The following PIH1D1 variants were observed in gnomAD, a reference collection of about 807,000 sequenced individuals.
PIH1D1 encodes PIH1 domain-containing protein 1.
Under a neutral mutation model 38.5 loss-of-function variants are expected in PIH1D1, and 28 were observed. The ratio of observed to expected loss-of-function variants is 0.73; its 90% confidence interval spans 0.54 to 1.00. The LOEUF (loss-of-function observed/expected upper bound fraction) is 1.00. PIH1D1 is among the 50% of genes least tolerant of loss of function. The pLI is 0.00. For missense variants in PIH1D1, 343 were observed against 369.9 expected, an observed-to-expected ratio of 0.93 and a Z score of 0.60; for synonymous variants, 155 against 153.5, an observed-to-expected ratio of 1.01 and a Z score of -0.07.
At chr19:49,450,018 C>T (rs1280737057) in intron 2 of PIH1D1, among the ~76,000 whole-genome samples, 1 of 152,068 alleles carries the variant, frequency 6.6e-6, no homozygotes, top group African/African-American at 2.4e-5. Context: ...TGATCTCAAA[C>T]TCCTGCCCTC....
intron 3 of PIH1D1, chr19:49,448,399 G>T (rs2079037921): frequency 5.5e-6 from 2 of 362,098 alleles, no homozygotes; most frequent in Non-Finnish European, 1.0e-5. Context: ...TCCCACCTCT[G>T]GAGAAGACCT....
intron 7 of PIH1D1, 144 bp from the exon 8 acceptor site, chr19:49,446,838 AACGACCGAGC>A: frequency 8.0e-6 from 9 of 1,131,980 alleles, no homozygotes; most frequent in Non-Finnish European, 1.2e-5. Flanking sequence ...TACAAGTCTC[AACGACCGAGC>A]ACTTACAATC....
intron 8 of PIH1D1, 38 bp downstream of exon 8, chr19:49,446,513 C>T: frequency 6.2e-7 from 1 of 1,610,030 alleles, no homozygotes; most frequent in Admixed American, 1.7e-5. Flanking sequence ...CCAGGCCCCG[C>T]CAATGTCCCA....
intron 4 of PIH1D1, 37 bp downstream of exon 4, chr19:49,447,964 C>A: frequency 6.2e-7 from 1 of 1,613,662 alleles, no homozygotes; most frequent in Non-Finnish European, 8.5e-7. Context: ...GGGGTAGAGA[C>A]CCCTGCCCAG....
At chr19:49,449,430 A>C (rs771735896) in intron 3 of PIH1D1, 45 bp downstream of exon 3, 25 of 1,582,940 alleles carry the variant, frequency 1.6e-5, no homozygotes, top group Non-Finnish European at 2.0e-5. Context: ...CTAGGGAAGA[A>C]GGGGCCTAGC....
chr19:49,448,220 C>A, intron 3 of PIH1D1, 158 bp from the exon 4 acceptor site: 1 of 685,336 alleles, frequency 1.5e-6, no homozygotes, highest in Non-Finnish European at 2.5e-6. Context: ...GCTCTGGACT[C>A]TCCGCCCAGC....
rs2079026765 is a variant in PIH1D1, at chr19:49,446,893, CCT to C, written c.687+129_687+130del. 11 of 1,075,776 alleles carry C rather than the reference CCT, an allele frequency of 1.0e-5. No homozygotes were observed. The South Asian group carries it at 1.4e-4, about 14-fold the overall frequency. The allele number at this position is 1,075,776 out of a possible 1,614,324, so 66.6% of individuals were successfully genotyped here. On this transcript the variant is annotated intron_variant, in intron 7 of 8. Coordinates refer to ENST00000262265, the MANE Select transcript of PIH1D1 (RefSeq NM_017916.3). ...CCCTCAGGACAGCACCAGAAGGTGG[CCT>C]GTGGGCCTCCTGGCAGAGAGGACGC... is the stretch of plus-strand genomic sequence containing the variant.
chr19:49,448,171 G>C (rs563925581), intron 3 of PIH1D1, 109 bp from the exon 4 acceptor site: 4 of 1,126,002 alleles, frequency 3.6e-6, no homozygotes, highest in Middle Eastern at 2.6e-4. Flanking sequence ...AAGAAGCAGA[G>C]AGAGACATAA....
At chr19:49,448,471 C>T in intron 3 of PIH1D1, 1 of 256,156 alleles carries the variant, frequency 3.9e-6, no homozygotes, top group Non-Finnish European at 7.7e-6. Flanking sequence ...ACTGGCTGAT[C>T]CAATCCAATC....
At chr19:49,447,240 C>A in intron 6 of PIH1D1, 98 bp downstream of exon 6, 1 of 1,547,548 alleles carries the variant, frequency 6.5e-7, no homozygotes, top group South Asian at 1.2e-5. Context: ...TCTCTCAGTG[C>A]CCAGGGCCCC....
chr19:49,449,068 T>A (rs2079042111), intron 3 of PIH1D1: 1 of 351,308 alleles, frequency 2.8e-6, no homozygotes, highest in African/African-American at 2.1e-5. Context: ...GGAGCACACC[T>A]GTAATCCCAG....
At position 49,449,770 on chromosome 19, in the gene PIH1D1, C is replaced by T. The variant is rs1391702609; in HGVS notation, c.158-116G>A. The T allele has an allele frequency of 3.9e-6, 3 of 774,616 alleles. No homozygotes were observed. In the African/African-American group the frequency reaches 5.4e-5, roughly 14 times the overall value. The allele number at this position is 774,616 out of a possible 1,614,324, so 48.0% of individuals were successfully genotyped here. On this transcript the variant is annotated intron_variant, in intron 2 of 8. Coordinates refer to ENST00000262265, the MANE Select transcript of PIH1D1 (RefSeq NM_017916.3). Reference sequence around the variant, plus strand: ...CCCTGTCCCCCTTTTTTGTTCCACTCCCCACCCGAGATCCCTCACTTCTCT... The same window carrying T: ...CCCTGTCCCCCTTTTTTGTTCCACTTCCCACCCGAGATCCCTCACTTCTCT...
chr19:49,448,805 T>C (rs1024166800), intron 3 of PIH1D1, among the ~76,000 whole-genome samples: 9 of 151,850 alleles, frequency 5.9e-5, no homozygotes, highest in South Asian at 2.1e-4. Flanking sequence ...AAGAGACATA[T>C]TGAAAAAAGG....
chr19:49,447,224 C>T, intron 6 of PIH1D1, 114 bp downstream of exon 6: 2 of 1,519,364 alleles, frequency 1.3e-6, no homozygotes, highest in Non-Finnish European at 1.8e-6. Context: ...AGTTCTCTCT[C>T]CTCCCTCTCT....
chr19:49,450,733 G>A (rs776327119), intron 2 of PIH1D1, 49 bp downstream of exon 2: 1 of 1,276,652 alleles, frequency 7.8e-7, no homozygotes, highest in South Asian at 1.3e-5. Flanking sequence ...TCCTCTCTCT[G>A]TCCTCTCCCT....
In PIH1D1 at chr19:49,449,595, G is replaced by C. The variant is rs1337576886; in HGVS notation, c.217C>G (p.Pro73Ala). 1.2e-6 allele frequency: 2 copies of C among 1,614,036 alleles called. No homozygotes were observed. Among genetic ancestry groups the C allele is most frequent in the Non-Finnish European group, 8.5e-7 (1 of 1,180,024 alleles). ...ACGTCGGCGGGAGGAGGGATAGAGG[G>C]GGAGTGGCAGATGTTGATGAAAACC... ...GKVFINICHS[P>A]SIPPPADVTE... Residue 73 changes from proline to alanine, a missense_variant, in exon 3 of 9, where the codon CCC (proline) becomes GCC (alanine). Pro to Ala is a conservative substitution (Grantham distance 27). Transcript: ENST00000262265.
intron 7 of PIH1D1, 117 bp from the exon 8 acceptor site, chr19:49,446,811 A>G: frequency 8.3e-7 from 1 of 1,207,822 alleles, no homozygotes; most frequent in Non-Finnish European, 1.2e-6. Context: ...TCCCAGGAAG[A>G]GACAGAAGAC....
Position 49,447,113 on chromosome 19 carries a change from A to C in PIH1D1, c.612-14T>G, listed in dbSNP as rs1485791804. On this transcript the variant is annotated splice_polypyrimidine_tract_variant and intron_variant, in intron 6 of 8. Transcript: ENST00000262265. ...GGCTTTTCAGGCCTGAGGAGGAACA[A>C]GGTCCAGGGCTGAGCACAGCTGCCA... The C allele has an allele frequency of 1.8e-5, 29 of 1,606,732 alleles. No homozygotes were observed. The highest frequency in any genetic ancestry group is 2.7e-5 in the African/African-American group (2 of 74,446).
At position 49,446,330 on chromosome 19, in the gene PIH1D1, G is replaced by A; in HGVS notation, c.*52C>T. The A allele has an allele frequency of 1.3e-6, 1 of 783,450 alleles. No individual in the cohort carries two copies. Among genetic ancestry groups the A allele is most frequent in the South Asian group, 1.3e-5 (1 of 74,666 alleles). The allele number at this position is 783,450 out of a possible 1,614,324, so 48.5% of individuals were successfully genotyped here. Reference sequence around the variant, plus strand: ...AAAAATCTTTTATTTCAACTTTTAGGGAAGCCAGCAGCCTCTTCTCCACAT... The same window carrying A: ...AAAAATCTTTTATTTCAACTTTTAGAGAAGCCAGCAGCCTCTTCTCCACAT... On this transcript the variant is annotated 3_prime_UTR_variant, in exon 9 of 9. Coordinates refer to ENST00000262265, the MANE Select transcript of PIH1D1 (RefSeq NM_017916.3).
Sources: gnomAD v4.1 joint callset for allele counts (sites outside exome capture counted in the v4.1 genomes callset) on GRCh38, gnomAD v4.1.1 for gene constraint, MANE v1.5 for transcripts, NCBI Gene and HGNC (gene_info 2026-07-23, HGNC 2026-07-21) for gene names.